Variants in ZNF423 observed in about 807,000 individuals in gnomAD.
The protein encoded by ZNF423 is zinc finger protein 423.
A neutral mutation model predicts 95.8 loss-of-function variants in ZNF423; 12 were observed. The observed-to-expected ratio is 0.13, with a 90% CI of 0.08 to 0.20. ZNF423 has a LOEUF of 0.20. Among genes scored for constraint, ZNF423 ranks in the 10% least tolerant of loss-of-function variants. The pLI is 1.00. For missense variants in ZNF423, 1,316 were observed against 1,737.1 expected, an observed-to-expected ratio of 0.76 and a Z score of 4.31; for synonymous variants, 749 against 711.9, an observed-to-expected ratio of 1.05 and a Z score of -0.83.
intron 3 of ZNF423, among the ~76,000 whole-genome samples, chr16:49,713,426 G>A (rs75563658): frequency 0.018 from 2,798 of 152,314 alleles, 209 homozygotes; most frequent in Admixed American, 0.13. Flanking sequence ...TGCAGCGACT[G>A]CAGTGGGGGA....
At chr16:49,622,186 C>T (rs763744746) in intron 5 of ZNF423, among the ~76,000 whole-genome samples, 1 of 152,156 alleles carries the variant, frequency 6.6e-6, no homozygotes, top group African/African-American at 2.4e-5. Context: ...ATGATGATTG[C>T]GGGAATGTGA....
intron 2 of ZNF423, among the ~76,000 whole-genome samples, chr16:49,774,370 G>T (rs2034085698): frequency 6.6e-6 from 1 of 152,142 alleles, no homozygotes; most frequent in Non-Finnish European, 1.5e-5. Flanking sequence ...GCCACTGGCA[G>T]GCCTAACTGG....
At chr16:49,712,654 C>T (rs971973656) in intron 3 of ZNF423, among the ~76,000 whole-genome samples, 2 of 152,238 alleles carry the variant, frequency 1.3e-5, no homozygotes, top group Non-Finnish European at 2.9e-5. Flanking sequence ...GGCTGAACCT[C>T]GGCCTGCAGC....
chr16:49,691,076 G>A (rs2031761647), intron 3 of ZNF423, among the ~76,000 whole-genome samples: 1 of 152,266 alleles, frequency 6.6e-6, no homozygotes, highest in Non-Finnish European at 1.5e-5. Flanking sequence ...AGGGGGCTGA[G>A]CGGCCCTTAG....
At chr16:49,523,303 G>A (rs556945148) in intron 7 of ZNF423, among the ~76,000 whole-genome samples, 17 of 152,332 alleles carry the variant, frequency 1.1e-4, no homozygotes, top group Admixed American at 8.5e-4. Flanking sequence ...CAGAACCAAA[G>A]CTCAGTGAAA....
At chr16:49,557,835 G>A (rs1286762294) in intron 5 of ZNF423, among the ~76,000 whole-genome samples, 1 of 152,182 alleles carries the variant, frequency 6.6e-6, no homozygotes, top group African/African-American at 2.4e-5. Flanking sequence ...AGCCCCCTTG[G>A]TTCCAGCCCT....
At position 49,846,446 on chromosome 16, in the gene ZNF423, C is replaced by T. The variant is rs145414121; in HGVS notation, c.40+9289G>A. On this transcript the variant is annotated intron_variant, in intron 1 of 7. Coordinates refer to ENST00000563137, the MANE Select transcript of ZNF423 (RefSeq NM_001379286.1). ...TGTAAATGAAGTGAGCTCCAAGGTT[C>T]CTTTTCAACCTGTGTTTTTCAGGAT... Among the ~76,000 whole-genome samples, 121 of 152,308 alleles carry T rather than the reference C, an allele frequency of 7.9e-4. 1 individual carries two copies. In the East Asian group the frequency reaches 0.013, roughly 17 times the overall value.
At chr16:49,606,650 T>G (rs991749740) in intron 5 of ZNF423, among the ~76,000 whole-genome samples, 3 of 152,144 alleles carry the variant, frequency 2.0e-5, no homozygotes, top group African/African-American at 7.2e-5. Context: ...CACATGAATG[T>G]TTTATCAAAC....
At chr16:49,842,406 A>AAGGAAGGAAGGC (rs2035199227) in intron 1 of ZNF423, among the ~76,000 whole-genome samples, 1 of 88,326 alleles carries the variant, frequency 1.1e-5, no homozygotes, top group Admixed American at 1.1e-4. Flanking sequence ...GGAAGGAAGG[A>AAGGAAGGAAGGC]AGGAAGGCAG....
chr16:49,689,289 A>G (rs1425962804), intron 3 of ZNF423, among the ~76,000 whole-genome samples: 1 of 151,640 alleles, frequency 6.6e-6, no homozygotes, highest in Non-Finnish European at 1.5e-5. Context: ...AAAAAAAAAA[A>G]AAAAGATGGG....
chr16:49,671,540 TGCATG>T (rs1391336680), intron 3 of ZNF423, among the ~76,000 whole-genome samples: 1 of 152,022 alleles, frequency 6.6e-6, no homozygotes, highest in East Asian at 1.9e-4. Flanking sequence ...CACCCCGCCC[TGCATG>T]GCCAAGAGTG....
chr16:49,689,608 T>C (rs1228248038), intron 3 of ZNF423, among the ~76,000 whole-genome samples: 1 of 152,082 alleles, frequency 6.6e-6, no homozygotes, highest in Non-Finnish European at 1.5e-5. Flanking sequence ...GATATTGCCC[T>C]CTCCCTACAC....
chr16:49,845,132 GT>G (rs1203483011), intron 1 of ZNF423, among the ~76,000 whole-genome samples: 2 of 151,158 alleles, frequency 1.3e-5, no homozygotes, highest in Admixed American at 1.3e-4. Flanking sequence ...GTTTTTTGGG[GT>G]TTTTTGTTTG....
At chr16:49,692,068 G>A (rs2031804334) in intron 3 of ZNF423, among the ~76,000 whole-genome samples, 1 of 152,096 alleles carries the variant, frequency 6.6e-6, no homozygotes, top group Admixed American at 6.5e-5. Flanking sequence ...TCTAGCCTCA[G>A]CCGCCAGAGT....
At chr16:49,832,334 G>C (rs2035069715) in intron 1 of ZNF423, among the ~76,000 whole-genome samples, 1 of 152,212 alleles carries the variant, frequency 6.6e-6, no homozygotes, top group African/African-American at 2.4e-5. Context: ...CCTGTCTTCT[G>C]GGGTAGCAGG....
intron 1 of ZNF423, among the ~76,000 whole-genome samples, chr16:49,819,635 GAC>G (rs1434191055): frequency 1.3e-5 from 2 of 152,100 alleles, no homozygotes; most frequent in African/African-American, 2.4e-5. Flanking sequence ...TTTTAGTAGA[GAC>G]AGTGTTTCAC....
At chr16:49,779,902 C>A (rs187264490) in intron 2 of ZNF423, among the ~76,000 whole-genome samples, 73 of 152,270 alleles carry the variant, frequency 4.8e-4, no homozygotes, top group African/African-American at 1.7e-3. Context: ...AGAGGAGGGG[C>A]AGGGCCATGG....
At chr16:49,798,533 G>A (rs2034533832) in intron 1 of ZNF423, among the ~76,000 whole-genome samples, 1 of 151,932 alleles carries the variant, frequency 6.6e-6, no homozygotes, top group African/African-American at 2.4e-5. Flanking sequence ...TAAAAAAGAA[G>A]CCTGTTTTCA....
In ZNF423 at chr16:49,713,814, GAC is replaced by G. The variant is rs536922087; in HGVS notation, c.301+16955_301+16956del. Among the ~76,000 whole-genome samples the G allele has an allele frequency of 8.5e-5, 13 of 152,344 alleles. No homozygotes were observed. The South Asian group carries it at 2.3e-3, about 27-fold the overall frequency. The stretch of plus-strand genomic sequence containing the variant: ...AAGATGCCATCCGTGAGACTGGAGA[GAC>G]AGAAAGTCAGTGATCAGACACGCAG... On this transcript the variant is annotated intron_variant, in intron 3 of 7. Transcript: ENST00000563137.
Sources: gnomAD v4.1 joint callset for allele counts (sites outside exome capture counted in the v4.1 genomes callset) on GRCh38, gnomAD v4.1.1 for gene constraint, MANE v1.5 for transcripts, NCBI Gene and HGNC (gene_info 2026-07-23, HGNC 2026-07-21) for gene names.